Variants in DLG2 observed in about 807,000 individuals in gnomAD.
DLG2 encodes discs large MAGUK scaffold protein 2, also known as disks large homolog 2.
A neutral mutation model predicts 132.5 loss-of-function variants in DLG2; 45 were observed. The ratio of observed to expected loss-of-function variants is 0.34; its 90% CI spans 0.27 to 0.44. The LOEUF is 0.44. DLG2 is among the 20% of genes least tolerant of loss of function. The pLI, the probability that DLG2 is intolerant of heterozygous loss-of-function variation, is 1.00. For missense variants in DLG2, 1,045 were observed against 1,196.9 expected (o/e 0.87, Z 1.87); for synonymous variants, 424 against 419.6 (o/e 1.01, Z -0.13).
intron 6 of DLG2, among the ~76,000 whole-genome samples, chr11:84,624,590 C>A (rs2099619028): frequency 6.6e-6 from 1 of 151,682 alleles, no homozygotes; most frequent in Non-Finnish European, 1.5e-5. Context: ...TATTATTAAC[C>A]TTAATAAAAT....
At chr11:85,298,866 A>G (rs1446005122) in intron 3 of DLG2, among the ~76,000 whole-genome samples, 1 of 152,090 alleles carries the variant, frequency 6.6e-6, no homozygotes, top group African/African-American at 2.4e-5. Flanking sequence ...GTCACTTAAC[A>G]CTCATATGGG....
At chr11:84,412,543 C>T (rs1487496273) in intron 7 of DLG2, among the ~76,000 whole-genome samples, 1 of 152,122 alleles carries the variant, frequency 6.6e-6, no homozygotes, top group Non-Finnish European at 1.5e-5. Flanking sequence ...GAGATTTGCC[C>T]AAAGTAATAC....
At chr11:84,559,916 A>C (rs1186393385) in intron 6 of DLG2, among the ~76,000 whole-genome samples, 5 of 152,144 alleles carry the variant, frequency 3.3e-5, no homozygotes, top group Non-Finnish European at 5.9e-5. Context: ...CATATGGCAC[A>C]TGACATGTTA....
rs1290363777 is a variant in DLG2 at position 84,150,496 on chromosome 11, G to C, written c.624+12965C>G. On this transcript the variant is annotated intron_variant, in intron 9 of 27. Transcript: ENST00000376104. The stretch of plus-strand genomic sequence containing the variant: ...GGAGTATTTAGGGTTTTGCTAGATA[G>C]AGAAACATAGTATTTTATACTCTCA... 2.6e-5 allele frequency among the ~76,000 whole-genome samples: 4 copies of C among 152,116 alleles called. 1 individual carries two copies. Among genetic ancestry groups the C allele is most frequent in the Admixed American group, 2.0e-4 (3 of 15,280 alleles).
At chr11:84,825,756 T>C (rs899284974) in intron 6 of DLG2, among the ~76,000 whole-genome samples, 2 of 152,070 alleles carry the variant, frequency 1.3e-5, no homozygotes, top group Admixed American at 6.6e-5. Flanking sequence ...TTGGTTCATA[T>C]AGCATTTCAA....
intron 9 of DLG2, among the ~76,000 whole-genome samples, chr11:84,161,715 C>T (rs945267280): frequency 6.6e-6 from 1 of 152,150 alleles, no homozygotes; most frequent in South Asian, 2.1e-4. Context: ...GAAGGCTCAG[C>T]TTCACGGGCA....
At chr11:84,033,722 C>T (rs1217428788) in intron 11 of DLG2, among the ~76,000 whole-genome samples, 1 of 152,094 alleles carries the variant, frequency 6.6e-6, no homozygotes, top group African/African-American at 2.4e-5. Flanking sequence ...CTGTGGAAAA[C>T]TTCAGTGTCT....
At chr11:85,514,834 A>G (rs889693031) in intron 3 of DLG2, among the ~76,000 whole-genome samples, 39 of 151,894 alleles carry the variant, frequency 2.6e-4, no homozygotes, top group African/African-American at 8.0e-4. Context: ...CAGAGGTTTC[A>G]TATTGGGCTC....
At position 83,910,737 on chromosome 11, in the gene DLG2, A is replaced by G. The variant is rs556654498; in HGVS notation, c.1496+19591T>C. On this transcript the variant is annotated intron_variant, in intron 15 of 27. Coordinates refer to ENST00000376104, the MANE Select transcript of DLG2 (RefSeq NM_001142699.3). ...AAAAAGTACAGCTATTTTAACTTAG[A>G]GAAAAATGTGGTTTTCATACAGGTA... 1.3e-4 allele frequency among the ~76,000 whole-genome samples: 20 copies of G among 152,278 alleles called. No individual in the cohort carries two copies. The South Asian group carries it at 3.9e-3, about 30-fold the overall frequency.
chr11:84,895,057 C>T (rs768344482), intron 6 of DLG2, among the ~76,000 whole-genome samples: 9 of 152,104 alleles, frequency 5.9e-5, no homozygotes, highest in Non-Finnish European at 5.9e-5. Context: ...CTTACATATT[C>T]TCATCTAAAA....
At position 83,904,800 on chromosome 11, in the gene DLG2, C is replaced by G. The variant is rs961822862; in HGVS notation, c.1496+25528G>C. Among the ~76,000 whole-genome samples the G allele has an allele frequency of 2.0e-5, 3 of 152,194 alleles. No individual in the cohort carries two copies. In the East Asian group the frequency reaches 5.8e-4, roughly 29 times the overall value. The stretch of plus-strand genomic sequence containing the variant: ...CCTATAACACAACCACTTGCATGTG[C>G]AGGCATCACCTGGCCTTCTTTGTGT... On this transcript the variant is annotated intron_variant, in intron 15 of 27. Coordinates refer to ENST00000376104, the MANE Select transcript of DLG2 (RefSeq NM_001142699.3).
chr11:85,394,554 A>G (rs1025682565), intron 3 of DLG2, among the ~76,000 whole-genome samples: 1 of 152,242 alleles, frequency 6.6e-6, no homozygotes, highest in Non-Finnish European at 1.5e-5. Flanking sequence ...CTGATTTAGC[A>G]CTAAAGTTGG....
chr11:85,361,167 T>C (rs2084119301), intron 3 of DLG2, among the ~76,000 whole-genome samples: 1 of 152,134 alleles, frequency 6.6e-6, no homozygotes, highest in Non-Finnish European at 1.5e-5. Context: ...CCACAAACTT[T>C]TTTCTTTAGA....
Position 84,597,109 on chromosome 11 carries a change from A to T in DLG2, c.358-62378T>A, listed in dbSNP as rs2099562364. On this transcript the variant is annotated intron_variant, in intron 6 of 27. Transcript: ENST00000376104. ...GTTTCTCATGCCTGTAATCCTAGCT[A>T]CTTGGGAGGCTGAGGCAGGAGAATT... Among the ~76,000 whole-genome samples the T allele has an allele frequency of 2.0e-5, 3 of 152,140 alleles. No individual in the cohort carries two copies. The South Asian group carries it at 6.2e-4, about 32-fold the overall frequency.
At chr11:83,691,388 A>G (rs987448989) in intron 18 of DLG2, among the ~76,000 whole-genome samples, 2 of 152,166 alleles carry the variant, frequency 1.3e-5, no homozygotes, top group African/African-American at 4.8e-5. Flanking sequence ...GGTGGGGAAC[A>G]GGTCAATGGA....
At chr11:84,994,236 A>T (rs958252624) in intron 6 of DLG2, among the ~76,000 whole-genome samples, 2 of 151,898 alleles carry the variant, frequency 1.3e-5, no homozygotes, top group Admixed American at 1.3e-4. Context: ...CTCCAGCTCT[A>T]CTCATCTCTA....
chr11:84,599,842 G>A (rs1038134552), intron 6 of DLG2, among the ~76,000 whole-genome samples: 2 of 151,888 alleles, frequency 1.3e-5, no homozygotes, highest in Admixed American at 6.6e-5. Flanking sequence ...GATCAGCCAG[G>A]GTAACATGGC....
intron 10 of DLG2, among the ~76,000 whole-genome samples, chr11:84,088,808 T>A (rs912393236): frequency 6.6e-6 from 1 of 152,204 alleles, no homozygotes; most frequent in African/African-American, 2.4e-5. Flanking sequence ...ATTTGCATCA[T>A]ACATCTTTCT....
intron 21 of DLG2, among the ~76,000 whole-genome samples, chr11:83,527,577 A>G (rs1189336642): frequency 6.6e-6 from 1 of 152,022 alleles, no homozygotes; most frequent in Non-Finnish European, 1.5e-5. Context: ...AGGTGTATGT[A>G]AACTGTCTGG....
Sources: allele counts gnomAD v4.1 joint callset (sites outside exome capture counted in the v4.1 genomes callset), GRCh38; gene constraint gnomAD v4.1.1; transcripts MANE v1.5; gene names NCBI Gene and HGNC (gene_info 2026-07-23, HGNC 2026-07-21).